The following CDH6 variants were observed in gnomAD, a reference collection of about 807,000 sequenced individuals.
The protein encoded by CDH6 is cadherin-6.
In CDH6, 31 loss-of-function variants were observed where a neutral mutation model predicts 78.0. That is an observed-to-expected ratio of 0.40 (90% CI 0.30 to 0.54). The LOEUF (loss-of-function observed/expected upper bound fraction) is 0.54, where lower values mean the gene tolerates loss of function less well. Among genes scored for constraint, CDH6 ranks in the 20% least tolerant of loss-of-function variants. CDH6 has a pLI of 0.56. For synonymous variants in CDH6, 376 were observed against 368.8 expected (o/e 1.02, Z -0.23); for missense variants, 724 against 975.9 (o/e 0.74, Z 3.44).
At chr5:31,217,205 C>T (rs187009701) in intron 1 of CDH6, among the ~76,000 whole-genome samples, 8 of 152,140 alleles carry the variant, frequency 5.3e-5, no homozygotes, top group Admixed American at 2.0e-4. Flanking sequence ...AATTTAGATC[C>T]GTTTTAAGAA....
At chr5:31,202,046 A>G (rs1452975116) in intron 1 of CDH6, among the ~76,000 whole-genome samples, 1 of 152,206 alleles carries the variant, frequency 6.6e-6, no homozygotes, top group African/African-American at 2.4e-5. Context: ...TTAAATTTAT[A>G]TCTAACTCTA....
chr5:31,194,857 T>C (rs189914795), intron 1 of CDH6, among the ~76,000 whole-genome samples: 119 of 152,258 alleles, frequency 7.8e-4, no homozygotes, highest in African/African-American at 2.7e-3. Context: ...TAGTTAGATA[T>C]TCTGTCATGA....
intron 5 of CDH6, among the ~76,000 whole-genome samples, chr5:31,300,071 G>A (rs1439301336): frequency 6.6e-6 from 1 of 152,206 alleles, no homozygotes; most frequent in African/African-American, 2.4e-5. Flanking sequence ...AAATACAACT[G>A]TGGAAGTAAC....
intron 1 of CDH6, chr5:31,249,740 A>G (rs1234519510): frequency 1.3e-5 from 2 of 152,256 alleles, no homozygotes; most frequent in Admixed American, 6.5e-5. Context: ...TTCAGAAGGT[A>G]TTTAAGAAAT....
At chr5:31,210,243 G>A (rs116013291) in intron 1 of CDH6, among the ~76,000 whole-genome samples, 9,527 of 152,108 alleles carry the variant, frequency 0.063, 615 homozygotes, top group East Asian at 0.37. Context: ...CTGGGGGTGC[G>A]GCGACTCACG....
At chr5:31,241,910 C>T (rs1027724050) in intron 1 of CDH6, among the ~76,000 whole-genome samples, 1 of 152,210 alleles carries the variant, frequency 6.6e-6, no homozygotes, top group Non-Finnish European at 1.5e-5. Context: ...TCCACTCTTC[C>T]ATTACCTTTT....
At chr5:31,267,795 A>G (rs1467340667) in intron 2 of CDH6, 94 bp downstream of exon 2, 3 of 910,456 alleles carry the variant, frequency 3.3e-6, no homozygotes, top group Non-Finnish European at 5.2e-6. Flanking sequence ...CTATTCCCCA[A>G]TATAGTAAGA....
At chr5:31,217,414 A>G (rs1260127555) in intron 1 of CDH6, among the ~76,000 whole-genome samples, 1 of 152,192 alleles carries the variant, frequency 6.6e-6, no homozygotes, top group Non-Finnish European at 1.5e-5. Context: ...CTGTTTTTAA[A>G]TTCTCATCAG....
chr5:31,279,732 C>T (rs1022765994), intron 2 of CDH6, among the ~76,000 whole-genome samples: 4 of 152,066 alleles, frequency 2.6e-5, no homozygotes, highest in Non-Finnish European at 4.4e-5. Flanking sequence ...CTTACTGCCT[C>T]GGGGGTGGCA....
Position 31,327,205 on chromosome 5 carries a change from G to A in CDH6, c.*3897G>A, listed in dbSNP as rs1418462634. The A allele has an allele frequency of 1.6e-5, 3 of 186,542 alleles. No homozygotes were observed. The East Asian group carries it at 2.6e-4, about 16-fold the overall frequency. The allele number at this position is 186,542 out of a possible 1,614,324, so 11.6% of individuals were successfully genotyped here. On this transcript the variant is annotated 3_prime_UTR_variant, in exon 12 of 12. Transcript: ENST00000265071. ...GACTTGGACAATTCTATATACTCAA[G>A]CACCATAAAAAGTATGCAGTTGAAA...
At chr5:31,315,236 T>C (rs556229392) in intron 8 of CDH6, among the ~76,000 whole-genome samples, 2 of 152,336 alleles carry the variant, frequency 1.3e-5, no homozygotes, top group Admixed American at 1.3e-4. Context: ...ACACATTATA[T>C]ATTTATGAGT....
intron 1 of CDH6, among the ~76,000 whole-genome samples, chr5:31,219,365 A>G (rs1174256604): frequency 2.6e-5 from 4 of 152,150 alleles, no homozygotes; most frequent in African/African-American, 9.7e-5. Context: ...AGCCACACAC[A>G]TCACATCCTG....
chr5:31,237,178 A>G (rs1350460641), intron 1 of CDH6, among the ~76,000 whole-genome samples: 2 of 152,154 alleles, frequency 1.3e-5, no homozygotes, highest in Non-Finnish European at 2.9e-5. Context: ...TTAGCAATCA[A>G]AGACATGTCA....
At chr5:31,262,835 A>G (rs1442526587) in intron 1 of CDH6, among the ~76,000 whole-genome samples, 3 of 152,086 alleles carry the variant, frequency 2.0e-5, no homozygotes, top group Non-Finnish European at 4.4e-5. Context: ...CACTTACCAC[A>G]TGGTTCCCCT....
At chr5:31,255,190 T>C (rs1742023827) in intron 1 of CDH6, among the ~76,000 whole-genome samples, 1 of 152,244 alleles carries the variant, frequency 6.6e-6, no homozygotes, top group Admixed American at 6.5e-5. Flanking sequence ...GCAATTATTT[T>C]GAACAACAGC....
chr5:31,242,275 GTT>G (rs1741624575), intron 1 of CDH6, among the ~76,000 whole-genome samples: 2 of 152,120 alleles, frequency 1.3e-5, no homozygotes, highest in Admixed American at 1.3e-4. Context: ...TATAAATTCA[GTT>G]TATGGAGACA....
Position 31,328,957 on chromosome 5 carries a change from C to A in CDH6, c.*5649C>A, listed in dbSNP as rs1738674095. 2 of 221,262 alleles carry A rather than the reference C, an allele frequency of 9.0e-6. No individual in the cohort carries two copies. Among genetic ancestry groups the A allele is most frequent in the Non-Finnish European group, 1.8e-5 (2 of 110,656 alleles). The allele number at this position is 221,262 out of a possible 1,614,324, so 13.7% of individuals were successfully genotyped here. On this transcript the variant is annotated 3_prime_UTR_variant, in exon 12 of 12. Transcript: ENST00000265071. ...CTCAGTGTGGCCGGGCCTTTTGTTG[C>A]AGTCAAATGGCAAATACGCACTCCT...
rs189806810 is a variant in CDH6 at position 31,240,444 on chromosome 5, C to T, written c.-128-26902C>T. Among the ~76,000 whole-genome samples, 12 of 152,210 alleles carry T rather than the reference C, an allele frequency of 7.9e-5. No homozygotes were observed. In the East Asian group the frequency reaches 2.3e-3, roughly 29 times the overall value. ...CCACCAACATTAGTACTCTGAAGCT[C>T]CCTGGCCTTTACTTAGAGACCAAGT... is the stretch of plus-strand genomic sequence containing the variant. On this transcript the variant is annotated intron_variant, in intron 1 of 11. Coordinates refer to ENST00000265071, the MANE Select transcript of CDH6 (RefSeq NM_004932.4).
chr5:31,245,103 C>T (rs1455990612), intron 1 of CDH6, among the ~76,000 whole-genome samples: 2 of 152,208 alleles, frequency 1.3e-5, no homozygotes, highest in African/African-American at 4.8e-5. Flanking sequence ...GTGCAGACTT[C>T]TAGCAGGAAG....
Sources: gnomAD v4.1 joint callset for allele counts (sites outside exome capture counted in the v4.1 genomes callset) on GRCh38, gnomAD v4.1.1 for gene constraint, MANE v1.5 for transcripts, NCBI Gene and HGNC (gene_info 2026-07-23, HGNC 2026-07-21) for gene names.